SMAP1: variants seen among roughly 807,000 people sequenced by gnomAD.
The protein encoded by SMAP1 is small ArfGAP 1.
In SMAP1, 24 loss-of-function variants were observed where a neutral mutation model predicts 58.5. The ratio of observed to expected loss-of-function variants is 0.41; its 90% confidence interval spans 0.30 to 0.58. The LOEUF (loss-of-function observed/expected upper bound fraction) is 0.58. SMAP1 is among the 20% of genes least tolerant of loss of function. SMAP1 has a pLI of 0.29. For missense variants in SMAP1, 563 were observed against 566.3 expected (o/e 0.99, Z 0.06); for synonymous variants, 216 against 196.6 (o/e 1.10, Z -0.82).
At chr6:70,845,764 C>G (rs1305690048) in intron 7 of SMAP1, among the ~76,000 whole-genome samples, 1 of 152,160 alleles carries the variant, frequency 6.6e-6, no homozygotes, top group African/African-American at 2.4e-5. Context: ...GATATGGCTC[C>G]GACCAGTGAG....
intron 1 of SMAP1, among the ~76,000 whole-genome samples, chr6:70,684,186 T>A (rs1312985797): frequency 6.6e-6 from 1 of 152,244 alleles, no homozygotes; most frequent in Non-Finnish European, 1.5e-5. Flanking sequence ...TTTGGGATAT[T>A]TGTTGTCATC....
intron 6 of SMAP1, among the ~76,000 whole-genome samples, chr6:70,800,714 T>G (rs959752572): frequency 1.3e-5 from 2 of 149,582 alleles, no homozygotes. Context: ...CCCTGCCCTG[T>G]GTCCAAGTGA....
intron 10 of SMAP1, 75 bp downstream of exon 10, chr6:70,858,304 T>G (rs1771530563): frequency 6.8e-6 from 9 of 1,323,834 alleles, no homozygotes; most frequent in Non-Finnish European, 9.0e-6. Context: ...TTTTTTTTTT[T>G]TTTTTTTTTT....
At chr6:70,765,910 A>C (rs1172721771) in intron 3 of SMAP1, among the ~76,000 whole-genome samples, 4 of 94,910 alleles carry the variant, frequency 4.2e-5, no homozygotes, top group African/African-American at 1.3e-4. Flanking sequence ...CCCACCCCAC[A>C]ACAGTCCCCA....
intron 7 of SMAP1, among the ~76,000 whole-genome samples, chr6:70,851,471 G>C (rs969362537): frequency 6.6e-6 from 1 of 152,198 alleles, no homozygotes; most frequent in Non-Finnish European, 1.5e-5. Context: ...CCTTTGATGA[G>C]AGTATGGTCT....
intron 1 of SMAP1, among the ~76,000 whole-genome samples, chr6:70,683,420 T>G (rs1347777447): frequency 6.6e-6 from 1 of 152,086 alleles, no homozygotes. Flanking sequence ...TCCACCCGCC[T>G]TGGCCTCTCA....
chr6:70,787,562 CT>C (rs1562161259), intron 4 of SMAP1, among the ~76,000 whole-genome samples: 2 of 152,016 alleles, frequency 1.3e-5, no homozygotes, highest in Non-Finnish European at 2.9e-5. Context: ...TGACAAAGGG[CT>C]AATATCCAGA....
chr6:70,699,709 G>C (rs748998941), intron 1 of SMAP1, among the ~76,000 whole-genome samples: 2 of 151,864 alleles, frequency 1.3e-5, no homozygotes, highest in Non-Finnish European at 2.9e-5. Flanking sequence ...GTACTGCCTC[G>C]CCACTGCTGA....
At chr6:70,697,066 A>G (rs542632328) in intron 1 of SMAP1, among the ~76,000 whole-genome samples, 2 of 151,986 alleles carry the variant, frequency 1.3e-5, no homozygotes, top group African/African-American at 2.4e-5. Context: ...TTTGATTTCT[A>G]TTTGCATGCA....
At chr6:70,726,474 G>A (rs754884807) in intron 1 of SMAP1, among the ~76,000 whole-genome samples, 1 of 152,214 alleles carries the variant, frequency 6.6e-6, no homozygotes, top group Non-Finnish European at 1.5e-5. Flanking sequence ...TGCTCTTGGG[G>A]CATTGGAGAA....
chr6:70,814,741 G>A (rs796543724), intron 6 of SMAP1, among the ~76,000 whole-genome samples: 23 of 152,196 alleles, frequency 1.5e-4, no homozygotes, highest in African/African-American at 5.5e-4. Flanking sequence ...TGAAGAGTGA[G>A]GCTGAAAAAA....
At chr6:70,727,690 G>C (rs2347432) in intron 1 of SMAP1, among the ~76,000 whole-genome samples, 75,575 of 151,918 alleles carry the variant, frequency 0.5, 19,127 homozygotes, top group African/African-American at 0.52. Flanking sequence ...TCTTTAACCC[G>C]TCTTAGAATT....
intron 1 of SMAP1, among the ~76,000 whole-genome samples, chr6:70,717,221 A>G (rs1768311878): frequency 6.6e-6 from 1 of 152,230 alleles, no homozygotes; most frequent in Admixed American, 6.5e-5. Flanking sequence ...GCTGAGAGCC[A>G]GAGCTTATCT....
At chr6:70,709,085 T>G (rs1197191215) in intron 1 of SMAP1, among the ~76,000 whole-genome samples, 2 of 150,968 alleles carry the variant, frequency 1.3e-5, no homozygotes, top group East Asian at 1.9e-4. Context: ...AAGGAGGTTT[T>G]TGTGTGTGTG....
chr6:70,812,432 T>G (rs1208789291), intron 6 of SMAP1, among the ~76,000 whole-genome samples: 1 of 152,202 alleles, frequency 6.6e-6, no homozygotes, highest in South Asian at 2.1e-4. Context: ...AAAATTTGAT[T>G]AGACATGTAG....
intron 9 of SMAP1, 138 bp from the exon 10 acceptor site, chr6:70,857,784 T>C: frequency 4.6e-6 from 4 of 860,494 alleles, no homozygotes; most frequent in Non-Finnish European, 7.1e-6. Context: ...TGGGTTGGTC[T>C]GAGTAGTAGG....
chr6:70,778,803 A>G lies in SMAP1; in HGVS notation c.414+5378A>G, dbSNP rs113657546. The stretch of plus-strand genomic sequence containing the variant: ...TGAGTAGGCCTGTTCTCAGGCATCC[A>G]GGAGGACTTTCCAGATATATATGGT... On this transcript the variant is annotated intron_variant, in intron 4 of 10. Transcript: ENST00000370455. 7.5e-3 allele frequency among the ~76,000 whole-genome samples: 1,147 copies of G among 152,322 alleles called. 5 individuals are homozygous for G. The highest frequency in any genetic ancestry group is 0.013 in the Non-Finnish European group (870 of 68,028).
chr6:70,743,990 C>G (rs748524183), intron 2 of SMAP1, among the ~76,000 whole-genome samples: 12 of 151,870 alleles, frequency 7.9e-5, no homozygotes, highest in Admixed American at 3.3e-4. Context: ...TTTCTTTTTC[C>G]TCTTGATTTG....
Position 70,860,301 on chromosome 6 carries a change from A to G in SMAP1, c.1371A>G (p.Ser457=), listed in dbSNP as rs779746245. The change falls in exon 11 of 11, where the codon TCA becomes TCG. Residue 457 remains serine (S), a synonymous_variant. Coordinates refer to ENST00000370455, the MANE Select transcript of SMAP1 (RefSeq NM_001044305.3). ...STTAGWSGSS[S]GQTLSTQLWK The stretch of plus-strand genomic sequence containing the variant: ...CAGCAGGATGGTCTGGAAGCTCATC[A>G]GGTCAGACTCTCAGCACACAACTGT... The G allele has an allele frequency of 6.2e-7, 1 of 1,613,530 alleles. No individual in the cohort carries two copies. Among genetic ancestry groups the G allele is most frequent in the East Asian group, 2.2e-5 (1 of 44,856 alleles).
Sources: gnomAD v4.1 joint callset for allele counts (sites outside exome capture counted in the v4.1 genomes callset) on GRCh38, gnomAD v4.1.1 for gene constraint, MANE v1.5 for transcripts, NCBI Gene and HGNC (gene_info 2026-07-23, HGNC 2026-07-21) for gene names.